The following ADGB variants were observed in gnomAD, a reference collection of about 807,000 sequenced individuals.
ADGB encodes the protein androglobin.
In ADGB, 172 loss-of-function variants were observed where a neutral mutation model predicts 210.5. That is an observed-to-expected ratio of 0.82 (90% CI 0.72 to 0.93). ADGB has a LOEUF of 0.93. ADGB is among the 40% of genes least tolerant of loss of function. The pLI is 0.00. For missense variants in ADGB, 2,025 were observed against 1,964.8 expected (o/e 1.03, Z -0.58); for synonymous variants, 658 against 662.7 (o/e 0.99, Z 0.11).
intron 2 of ADGB, chr6:146,638,724 T>C (rs1738365842): frequency 6.6e-6 from 1 of 151,150 alleles, no homozygotes; most frequent in Non-Finnish European, 1.5e-5. Flanking sequence ...CTGCACATTG[T>C]GCACATGTAC....
intron 29 of ADGB, among the ~76,000 whole-genome samples, chr6:146,779,181 G>C (rs1020367068): frequency 6.6e-6 from 1 of 151,994 alleles, no homozygotes; most frequent in African/African-American, 2.4e-5. Flanking sequence ...TATTTGACTT[G>C]TTTGATGATT....
chr6:146,681,785 T>C (rs980875314), intron 9 of ADGB, among the ~76,000 whole-genome samples: 5 of 152,104 alleles, frequency 3.3e-5, no homozygotes, highest in African/African-American at 1.2e-4. Flanking sequence ...AAACATTGTC[T>C]GGTAGGAAGT....
intron 4 of ADGB, 90 bp from the exon 5 acceptor site, chr6:146,656,681 G>T: frequency 1.2e-6 from 1 of 814,962 alleles, no homozygotes; most frequent in Non-Finnish European, 1.9e-6. Flanking sequence ...TATTATTCTT[G>T]GAAGTGGATT....
Position 146,815,389 on chromosome 6 carries a change from ATTTGAG to A in ADGB, c.*176_*181del, listed in dbSNP as rs935674098. On this transcript the variant is annotated 3_prime_UTR_variant, in exon 36 of 36. Transcript: ENST00000397944. ...CCTCAGAAAGCTAGTATTTGAAGCC[ATTTGAG>A]TTTAAGATGCTCTAATTTCAATAAA... The A allele has an allele frequency of 2.6e-5, 12 of 462,872 alleles. No homozygotes were observed. The highest frequency in any genetic ancestry group is 1.8e-4 in the African/African-American group (9 of 48,936). 28.7% of individuals were successfully genotyped at this position (462,872 alleles called of 1,614,324 possible).
intron 3 of ADGB, among the ~76,000 whole-genome samples, chr6:146,647,115 A>AAAAAAAAAAAAAAAAAAAAAAAAC (rs1562263814): frequency 3.4e-5 from 5 of 147,928 alleles, no homozygotes; most frequent in African/African-American, 1.3e-4. Context: ...CAAAAAACAA[A>AAAAAAAAAAAAAAAAAAAAAAAAC]AAACAAACAA....
intron 29 of ADGB, among the ~76,000 whole-genome samples, chr6:146,778,864 TA>T (rs1294330079): frequency 6.6e-6 from 1 of 152,134 alleles, no homozygotes; most frequent in Non-Finnish European, 1.5e-5. Context: ...GTAAGAACTC[TA>T]AAAATTAGTA....
intron 12 of ADGB, among the ~76,000 whole-genome samples, chr6:146,696,067 G>A (rs1323485092): frequency 6.6e-6 from 1 of 151,580 alleles, no homozygotes; most frequent in African/African-American, 2.4e-5. Context: ...CCCTTTTATA[G>A]TAAGAAATAC....
chr6:146,814,556 G>A (rs1778353797), intron 35 of ADGB, among the ~76,000 whole-genome samples: 1 of 152,180 alleles, frequency 6.6e-6, no homozygotes, highest in Admixed American at 6.5e-5. Context: ...TGCTAAAGTG[G>A]TGAGAATGAA....
chr6:146,803,654 T>G, intron 35 of ADGB: 1 of 1,301,292 alleles, frequency 7.7e-7, no homozygotes, highest in Non-Finnish European at 1.1e-6. Context: ...AATGAAATGA[T>G]CCTCAATCTT....
chr6:146,676,296 ATT>A lies in ADGB; in HGVS notation c.1088-12_1088-11del. The A allele has an allele frequency of 6.5e-7, 1 of 1,531,792 alleles. No individual in the cohort carries two copies. The highest frequency in any genetic ancestry group is 2.5e-5 in the East Asian group (1 of 40,632). The allele number at this position is 1,531,792 out of a possible 1,614,324, so 94.9% of individuals were successfully genotyped here. ...TTGTCTAGTTAAAATATTTATTGTG[ATT>A]TTTTCATATGTTAGAGAAAGCAGAT... On this transcript the variant is annotated splice_polypyrimidine_tract_variant and intron_variant, in intron 8 of 35. Transcript: ENST00000397944.
At chr6:146,635,003 CA>C (rs773882431) in intron 1 of ADGB, among the ~76,000 whole-genome samples, 3 of 151,388 alleles carry the variant, frequency 2.0e-5, no homozygotes, top group African/African-American at 7.3e-5. Flanking sequence ...ACTTAATTTT[CA>C]AAAAAATATA....
chr6:146,770,520 G>A (rs1001696117), intron 29 of ADGB: 5 of 456,460 alleles, frequency 1.1e-5, no homozygotes, highest in Non-Finnish European at 2.3e-5. Context: ...GTTCTTCCTC[G>A]GTCTCATCAT....
At chr6:146,685,042 T>A (rs1361298530) in intron 9 of ADGB, among the ~76,000 whole-genome samples, 1 of 152,056 alleles carries the variant, frequency 6.6e-6, no homozygotes, top group Admixed American at 6.6e-5. Flanking sequence ...AATGTCAGTA[T>A]GTACGTTTGT....
chr6:146,699,274 C>A (rs1157831989), intron 12 of ADGB, among the ~76,000 whole-genome samples: 2 of 152,026 alleles, frequency 1.3e-5, no homozygotes, highest in Non-Finnish European at 2.9e-5. Context: ...TGGTTCAGTC[C>A]AAATCTAAAG....
In ADGB at chr6:146,664,244, A is replaced by C; in HGVS notation, c.656A>C (p.Asp219Ala). The C allele has an allele frequency of 6.5e-7, 1 of 1,548,900 alleles. No homozygotes were observed. The highest frequency in any genetic ancestry group is 8.7e-7 in the Non-Finnish European group (1 of 1,145,598). The change falls in exon 6 of 36, where the codon GAT (aspartate) becomes GCT (alanine). Residue 219 changes from aspartate (D) to alanine (A), a missense_variant. By Grantham distance (126) the Asp-to-Ala change is moderately radical. Coordinates refer to ENST00000397944, the MANE Select transcript of ADGB (RefSeq NM_024694.4). ...KITIDDFLPF[D>A]EDNNLLLPAT... The stretch of plus-strand genomic sequence containing the variant: ...ACAATTGATGACTTTTTGCCTTTTG[A>C]TGAAGATAACAATCTATTGCTTCCA...
At chr6:146,707,466 C>T (rs1038174087) in intron 13 of ADGB, among the ~76,000 whole-genome samples, 1 of 152,062 alleles carries the variant, frequency 6.6e-6, no homozygotes, top group Non-Finnish European at 1.5e-5. Context: ...ATTGCAGTCT[C>T]TCTCCCCCTT....
chr6:146,712,097 T>C (rs141854582), intron 13 of ADGB, among the ~76,000 whole-genome samples: 140 of 152,184 alleles, frequency 9.2e-4, no homozygotes, highest in Middle Eastern at 3.4e-3. Flanking sequence ...ATTCTTGATC[T>C]TTTATATGTG....
chr6:146,791,003 T>C (rs1038070703), intron 33 of ADGB, among the ~76,000 whole-genome samples: 4 of 152,224 alleles, frequency 2.6e-5, no homozygotes, highest in African/African-American at 9.6e-5. Context: ...TTGAGTAATA[T>C]CTATTCAGGT....
At position 146,674,475 on chromosome 6, in the gene ADGB, G is replaced by C. The variant is rs79633372; in HGVS notation, c.1088-1838G>C. On this transcript the variant is annotated intron_variant, in intron 8 of 35. Transcript: ENST00000397944. Reference sequence around the variant, plus strand: ...CTATAAGGGGATTGGGCCAGCCCAGGGAGAGCAATGGCTCCTCCATTCTCA... The same window carrying C: ...CTATAAGGGGATTGGGCCAGCCCAGCGAGAGCAATGGCTCCTCCATTCTCA... Among the ~76,000 whole-genome samples, 270 of 152,248 alleles carry C rather than the reference G, an allele frequency of 1.8e-3. 4 individuals are homozygous for C. In the East Asian group the frequency reaches 0.027, roughly 15 times the overall value.
Sources: allele counts gnomAD v4.1 joint callset (sites outside exome capture counted in the v4.1 genomes callset), GRCh38; gene constraint gnomAD v4.1.1; transcripts MANE v1.5; gene names NCBI Gene and HGNC (gene_info 2026-07-23, HGNC 2026-07-21).